FREM2: variants seen among roughly 807,000 people sequenced by gnomAD.
FREM2 encodes the protein FRAS1-related extracellular matrix protein 2.
FREM2 carries 119 observed loss-of-function variants against 219.9 expected under a neutral mutation model. The ratio of observed to expected loss-of-function variants is 0.54; its 90% CI spans 0.47 to 0.63. The LOEUF is 0.63. Ranked by LOEUF, FREM2 falls within the 30% of genes least tolerant of loss-of-function variation. FREM2 has a pLI of 0.00. For synonymous variants in FREM2, 1,562 were observed against 1,522.8 expected, an observed-to-expected ratio of 1.03 and a Z score of -0.60; for missense variants, 4,030 against 3,993.6, an observed-to-expected ratio of 1.01 and a Z score of -0.25.
intron 6 of FREM2, among the ~76,000 whole-genome samples, chr13:38,788,802 A>G (rs1405977665): frequency 1.3e-5 from 2 of 152,140 alleles, no homozygotes; most frequent in African/African-American, 2.4e-5. Flanking sequence ...TGTATACTAT[A>G]AGATTCTAGT....
intron 6 of FREM2, among the ~76,000 whole-genome samples, chr13:38,840,944 TA>T (rs1453576166): frequency 6.6e-6 from 1 of 152,132 alleles, no homozygotes; most frequent in Non-Finnish European, 1.5e-5. Flanking sequence ...AATTGCTAGG[TA>T]AAAACTTTGT....
intron 6 of FREM2, among the ~76,000 whole-genome samples, chr13:38,818,910 G>A (rs1008556146): frequency 1.3e-5 from 2 of 151,912 alleles, no homozygotes; most frequent in African/African-American, 4.8e-5. Context: ...AATGCTAGAA[G>A]AAAGGCTTTT....
chr13:38,880,823 C>A lies in FREM2; in HGVS notation c.*36C>A. On this transcript the variant is annotated 3_prime_UTR_variant, in exon 24 of 24. Transcript: ENST00000280481. The stretch of plus-strand genomic sequence containing the variant: ...TAGAATTCAACCTTTTCCGTAAGTG[C>A]CTCGGAAAAGATCACAATGGAACCT... The A allele has an allele frequency of 1.9e-6, 3 of 1,610,920 alleles. No individual in the cohort carries two copies. The highest frequency in any genetic ancestry group is 2.5e-6 in the Non-Finnish European group (3 of 1,177,658).
chr13:38,768,849 A>G (rs1180814888), intron 3 of FREM2, among the ~76,000 whole-genome samples: 1 of 152,202 alleles, frequency 6.6e-6, no homozygotes, highest in Non-Finnish European at 1.5e-5. Flanking sequence ...TTAGAGACCC[A>G]GAGATCCTTC....
chr13:38,696,642 A>G (rs1870117490), intron 1 of FREM2, among the ~76,000 whole-genome samples: 1 of 152,142 alleles, frequency 6.6e-6, no homozygotes, highest in Non-Finnish European at 1.5e-5. Context: ...ATTATGTTGT[A>G]TGTGTGGCAT....
intron 11 of FREM2, among the ~76,000 whole-genome samples, chr13:38,854,725 A>G (rs149384266): frequency 1.7e-4 from 26 of 152,318 alleles, no homozygotes; most frequent in African/African-American, 6.3e-4. Context: ...TGCTGTATCT[A>G]GAGACAGAGA....
rs777304280 is a variant in FREM2, at chr13:38,883,235, T to C, written c.*2448T>C. The C allele has an allele frequency of 6.6e-6, 1 of 152,190 alleles. No individual in the cohort carries two copies. Among genetic ancestry groups the C allele is most frequent in the Non-Finnish European group, 1.5e-5 (1 of 68,018 alleles). The allele number at this position is 152,190 out of a possible 1,614,324, so 9.4% of individuals were successfully genotyped here. Reference sequence around the variant, plus strand: ...ATTTTGCATTATTTTTCTTAATATCTATTTACTAAGTATGTAATTTAATAT... The same window carrying C: ...ATTTTGCATTATTTTTCTTAATATCCATTTACTAAGTATGTAATTTAATAT... On this transcript the variant is annotated 3_prime_UTR_variant, in exon 24 of 24. Transcript: ENST00000280481.
At chr13:38,750,788 G>A (rs1311333451) in intron 2 of FREM2, among the ~76,000 whole-genome samples, 1 of 152,060 alleles carries the variant, frequency 6.6e-6, no homozygotes, top group East Asian at 1.9e-4. Context: ...CTGCCTCTGG[G>A]GTTCAAGCGG....
intron 6 of FREM2, among the ~76,000 whole-genome samples, chr13:38,809,350 T>G (rs985736317): frequency 2.6e-5 from 4 of 151,920 alleles, no homozygotes; most frequent in Non-Finnish European, 5.9e-5. Context: ...TGTATATATT[T>G]TTGTTTTGGC....
intron 2 of FREM2, among the ~76,000 whole-genome samples, chr13:38,761,491 T>G (rs923466474): frequency 6.6e-6 from 1 of 152,220 alleles, no homozygotes; most frequent in African/African-American, 2.4e-5. Context: ...CACAATAATT[T>G]TTTAAAATAT....
At chr13:38,857,693 G>C (rs971579449) in intron 12 of FREM2, among the ~76,000 whole-genome samples, 182 bp from the exon 13 acceptor site, 3 of 152,178 alleles carry the variant, frequency 2.0e-5, no homozygotes, top group Admixed American at 2.0e-4. Context: ...ATGTGAACAA[G>C]GTGCCAAGGT....
chr13:38,717,412 C>CT lies in FREM2; in HGVS notation c.5263+19647dup, dbSNP rs386378868. ...GTCCGATTAGAATTTTACATAAGTA[C>CT]TTTTTTTTTTTTTTTTTTTTTTGAG... On this transcript the variant is annotated intron_variant, in intron 2 of 23. Coordinates refer to ENST00000280481, the MANE Select transcript of FREM2 (RefSeq NM_207361.6). Among the ~76,000 whole-genome samples the CT allele has an allele frequency of 8.0e-3, 721 of 90,106 alleles. 42 individuals carry two copies. Among genetic ancestry groups the CT allele is most frequent in the African/African-American group, 0.02 (484 of 24,276 alleles). 59.1% of individuals were successfully genotyped at this position (90,106 alleles called of 152,430 possible).
At chr13:38,804,112 T>C (rs1875127552) in intron 6 of FREM2, among the ~76,000 whole-genome samples, 1 of 152,102 alleles carries the variant, frequency 6.6e-6, no homozygotes. Flanking sequence ...GTATTTGGTA[T>C]ACTTGAGTTA....
rs1877376329 is a variant in FREM2, at chr13:38,851,695, T to C, written c.6752T>C (p.Ile2251Thr). 2.5e-6 allele frequency: 4 copies of C among 1,607,372 alleles called. No homozygotes were observed. In the African/African-American group the frequency reaches 5.3e-5, roughly 21 times the overall value. Residue 2251 changes from isoleucine to threonine, a missense_variant, in exon 11 of 24, where the codon ATT becomes ACT. Physicochemically the swap from Ile to Thr is moderately conservative, Grantham distance 89. Coordinates refer to ENST00000280481, the MANE Select transcript of FREM2 (RefSeq NM_207361.6). Reference sequence around the variant, plus strand: ...TTTCCCACAATTTTAGAGACTGTTATTAAATTTGGAGAAACCAAATTTAGT... The same window carrying C: ...TTTCCCACAATTTTAGAGACTGTTACTAAATTTGGAGAAACCAAATTTAGT... ...RIRDDADKTV[I>T]KFGETKFSVT...
At chr13:38,856,361 G>A in intron 12 of FREM2, 105 bp downstream of exon 12, 1 of 1,041,692 alleles carries the variant, frequency 9.6e-7, no homozygotes, top group Non-Finnish European at 1.5e-6. Context: ...CTTTGAACAA[G>A]CCTTACGTGA....
At position 38,760,231 on chromosome 13, in the gene FREM2, C is replaced by T. The variant is rs116227633; in HGVS notation, c.5264-4073C>T. 3.5e-3 allele frequency among the ~76,000 whole-genome samples: 529 copies of T among 152,234 alleles called. 5 individuals carry two copies. The highest frequency in any genetic ancestry group is 0.012 in the African/African-American group (507 of 41,534). On this transcript the variant is annotated intron_variant, in intron 2 of 23. Coordinates refer to ENST00000280481, the MANE Select transcript of FREM2 (RefSeq NM_207361.6). Reference sequence around the variant, plus strand: ...TAGTTACTTTGGGCCATCTCCCTGTCTTACAAAGCAAAGCTTCTTTATATT... The same window carrying T: ...TAGTTACTTTGGGCCATCTCCCTGTTTTACAAAGCAAAGCTTCTTTATATT...
chr13:38,801,241 T>A (rs1352588768), intron 6 of FREM2, among the ~76,000 whole-genome samples: 1 of 152,220 alleles, frequency 6.6e-6, no homozygotes, highest in Non-Finnish European at 1.5e-5. Flanking sequence ...TATCCTGAAT[T>A]GTTTTGTTGA....
intron 6 of FREM2, among the ~76,000 whole-genome samples, chr13:38,834,316 G>T (rs1876627842): frequency 2.0e-5 from 3 of 152,084 alleles, no homozygotes; most frequent in Non-Finnish European, 4.4e-5. Flanking sequence ...ATGATTTCCA[G>T]CTTCATCCAT....
At chr13:38,740,260 C>G (rs1253393305) in intron 2 of FREM2, among the ~76,000 whole-genome samples, 1 of 152,116 alleles carries the variant, frequency 6.6e-6, no homozygotes, top group African/African-American at 2.4e-5. Flanking sequence ...TTTAATAAAA[C>G]ATTTCATTTT....
Sources: gnomAD v4.1 joint callset for allele counts (sites outside exome capture counted in the v4.1 genomes callset) on GRCh38, gnomAD v4.1.1 for gene constraint, MANE v1.5 for transcripts, NCBI Gene and HGNC (gene_info 2026-07-23, HGNC 2026-07-21) for gene names.